Variants in ACAP2 observed in about 807,000 individuals in gnomAD.
ACAP2 encodes the protein arf-GAP with coiled-coil, ANK repeat and PH domain-containing protein 2.
A neutral mutation model predicts 115.8 loss-of-function variants in ACAP2; 39 were observed. The observed-to-expected ratio is 0.34, with a 90% CI of 0.26 to 0.44. ACAP2 has a LOEUF of 0.44. ACAP2 is among the 20% of genes least tolerant of loss of function. The pLI, the probability that ACAP2 is intolerant of heterozygous loss-of-function variation, is 1.00. For synonymous variants in ACAP2, 289 were observed against 315.8 expected (o/e 0.92, Z 0.90); for missense variants, 662 against 927.6 (o/e 0.71, Z 3.72).
intron 1 of ACAP2, among the ~76,000 whole-genome samples, chr3:195,411,275 C>G (rs2108811078): frequency 6.6e-6 from 1 of 152,284 alleles, no homozygotes; most frequent in East Asian, 1.9e-4. Context: ...TATTCCACTT[C>G]TGAGTATATA....
At chr3:195,330,044 AC>A (rs1730063281) in intron 8 of ACAP2, among the ~76,000 whole-genome samples, 1 of 151,668 alleles carries the variant, frequency 6.6e-6, no homozygotes, top group Admixed American at 6.6e-5. Context: ...TATCTAACTC[AC>A]CCCCCATCAA....
Position 195,294,770 on chromosome 3 carries a change from C to G in ACAP2, c.1714G>C (p.Gly572Arg), listed in dbSNP as rs747126092. 2 of 1,610,236 alleles carry G rather than the reference C, an allele frequency of 1.2e-6. No homozygotes were observed. The highest frequency in any genetic ancestry group is 3.3e-5 in the Admixed American group (2 of 59,898). The change falls in exon 18 of 23, where the codon GGA becomes CGA. Residue 572 changes from glycine to arginine, a missense_variant. Coordinates refer to ENST00000326793, the MANE Select transcript of ACAP2 (RefSeq NM_012287.6). ...DSGIQQSSDDGRESLPSTVSA... is the reference protein window; with the variant it reads ...DSGIQQSSDDRRESLPSTVSA... ...ACCGTGGAGGGTAAAGATTCTCTTC[C>G]ATCATCAGAGCTCTGCTGAATTCCA... is the stretch of plus-strand genomic sequence containing the variant.
At chr3:195,355,707 G>A (rs1435962990) in intron 4 of ACAP2, among the ~76,000 whole-genome samples, 1 of 152,172 alleles carries the variant, frequency 6.6e-6, no homozygotes, top group African/African-American at 2.4e-5. Context: ...TTCAGGAAAG[G>A]AGGAAAGCTA....
chr3:195,316,298 A>G (rs1268181916), intron 10 of ACAP2, among the ~76,000 whole-genome samples: 3 of 151,908 alleles, frequency 2.0e-5, no homozygotes, highest in Non-Finnish European at 4.4e-5. Flanking sequence ...TAGAAAATGT[A>G]ATTTTAAGTT....
chr3:195,352,789 G>A (rs1270529003), intron 4 of ACAP2, among the ~76,000 whole-genome samples: 1 of 152,092 alleles, frequency 6.6e-6, no homozygotes, highest in Non-Finnish European at 1.5e-5. Context: ...CTGAGACCAG[G>A]TTATAAAAGG....
chr3:195,342,664 G>C lies in ACAP2; in HGVS notation c.345-10C>G. The C allele has an allele frequency of 6.3e-7, 1 of 1,576,062 alleles. No individual in the cohort carries two copies. The highest frequency in any genetic ancestry group is 1.2e-5 in the South Asian group (1 of 84,252). On this transcript the variant is annotated splice_polypyrimidine_tract_variant and intron_variant, in intron 5 of 22. Transcript: ENST00000326793. Reference sequence around the variant, plus strand: ...GAATTTTCTAAGATCTCTAAGAAAAGAAAAACTTAGTGAAACTTTTATAAC... The same window carrying C: ...GAATTTTCTAAGATCTCTAAGAAAACAAAAACTTAGTGAAACTTTTATAAC...
intron 4 of ACAP2, among the ~76,000 whole-genome samples, chr3:195,378,956 T>C (rs1376453846): frequency 1.3e-5 from 2 of 151,596 alleles, no homozygotes; most frequent in Non-Finnish European, 2.9e-5. Context: ...TATAAAGAAA[T>C]AGCATAAGAT....
rs760951488 is a variant in ACAP2, at chr3:195,392,040, T to A, written c.111+50A>T. The A allele has an allele frequency of 2.0e-6, 3 of 1,476,176 alleles. No individual in the cohort carries two copies. The African/African-American group carries it at 4.2e-5, about 21-fold the overall frequency. The allele number at this position is 1,476,176 out of a possible 1,614,324, so 91.4% of individuals were successfully genotyped here. ...TACTACTGTAGGTACTAATCATTAT[T>A]TACAGCAAACGAGAATCAATGTTTC... On this transcript the variant is annotated intron_variant, in intron 2 of 22. Transcript: ENST00000326793.
chr3:195,352,043 C>T (rs912038771), intron 4 of ACAP2, among the ~76,000 whole-genome samples: 2 of 152,158 alleles, frequency 1.3e-5, no homozygotes, highest in Non-Finnish European at 2.9e-5. Context: ...AAATGTAAAA[C>T]AGTCATGTGC....
At chr3:195,300,034 C>CTTTTTTTTTCTTTTTTTTTTTTTTT (rs58971579) in intron 15 of ACAP2, among the ~76,000 whole-genome samples, 1 of 141,892 alleles carries the variant, frequency 7.0e-6, no homozygotes, top group African/African-American at 2.8e-5. Context: ...TTTCTTTTTT[C>CTTTTTTTTTCTTTTTTTTTTTTTTT]TTTTTTTTTC....
At chr3:195,367,037 G>GC (rs1560292338) in intron 4 of ACAP2, among the ~76,000 whole-genome samples, 1 of 79,252 alleles carries the variant, frequency 1.3e-5, no homozygotes, top group Non-Finnish European at 2.3e-5. Context: ...AAACTTATAT[G>GC]CCCCCCAACC....
chr3:195,341,801 T>A (rs994487661), intron 6 of ACAP2, among the ~76,000 whole-genome samples: 69 of 152,150 alleles, frequency 4.5e-4, no homozygotes, highest in African/African-American at 1.6e-3. Flanking sequence ...ATTTTCCCTA[T>A]TGTCAGTAAA....
At chr3:195,307,922 T>C (rs1728523131) in intron 11 of ACAP2, among the ~76,000 whole-genome samples, 1 of 152,160 alleles carries the variant, frequency 6.6e-6, no homozygotes, top group Non-Finnish European at 1.5e-5. Flanking sequence ...TTGTGTCATC[T>C]CAAGAGTAGA....
intron 1 of ACAP2, among the ~76,000 whole-genome samples, chr3:195,439,209 AAGAGAG>A (rs1268555441): frequency 1.7e-5 from 1 of 59,544 alleles, no homozygotes; most frequent in Non-Finnish European, 3.2e-5. Context: ...TTTTTTTTTT[AAGAGAG>A]AGAGAGAGAG....
At chr3:195,440,911 G>A (rs1366373838) in intron 1 of ACAP2, among the ~76,000 whole-genome samples, 1 of 151,992 alleles carries the variant, frequency 6.6e-6, no homozygotes, top group Non-Finnish European at 1.5e-5. Flanking sequence ...ATTGGAATAT[G>A]GGAAACAACT....
chr3:195,421,061 G>C lies in ACAP2; in HGVS notation c.53+21734C>G, dbSNP rs545999451. ...TAACCATTAGGTTAAACAGAGGAAAGGACTAAAAATCACTGTGCTTTATTA... is the reference window on the plus strand; with the variant it reads ...TAACCATTAGGTTAAACAGAGGAAACGACTAAAAATCACTGTGCTTTATTA... On this transcript the variant is annotated intron_variant, in intron 1 of 22. Coordinates refer to ENST00000326793, the MANE Select transcript of ACAP2 (RefSeq NM_012287.6). 5.9e-5 allele frequency among the ~76,000 whole-genome samples: 9 copies of C among 152,264 alleles called. No homozygotes were observed. The South Asian group carries it at 1.9e-3, about 32-fold the overall frequency.
intron 1 of ACAP2, among the ~76,000 whole-genome samples, chr3:195,411,280 T>C (rs1480300461): frequency 2.0e-5 from 3 of 152,170 alleles, no homozygotes; most frequent in African/African-American, 7.2e-5. Flanking sequence ...CACTTCTGAG[T>C]ATATACTCAA....
chr3:195,388,182 C>T (rs148451805), intron 2 of ACAP2, among the ~76,000 whole-genome samples: 9 of 152,086 alleles, frequency 5.9e-5, no homozygotes, highest in African/African-American at 2.2e-4. Context: ...TGCTCCCCAC[C>T]CAAAATTACA....
At position 195,292,830 on chromosome 3, in the gene ACAP2, G is replaced by A. The variant is rs140380715; in HGVS notation, c.1766-378C>T. Reference sequence around the variant, plus strand: ...CCATCTACCTGGGAGACTGAGGGACGAGAATCACTTGAACCCGGGAGGCAG... The same window carrying A: ...CCATCTACCTGGGAGACTGAGGGACAAGAATCACTTGAACCCGGGAGGCAG... On this transcript the variant is annotated intron_variant, in intron 18 of 22. Transcript: ENST00000326793. 1.4e-3 allele frequency among the ~76,000 whole-genome samples: 198 copies of A among 143,472 alleles called. 2 individuals carry two copies. In the East Asian group the frequency reaches 0.018, roughly 13 times the overall value. The allele number at this position is 143,472 out of a possible 152,430, so 94.1% of individuals were successfully genotyped here.
Sources: allele counts gnomAD v4.1 joint callset (sites outside exome capture counted in the v4.1 genomes callset), GRCh38; gene constraint gnomAD v4.1.1; transcripts MANE v1.5; gene names NCBI Gene and HGNC (gene_info 2026-07-23, HGNC 2026-07-21).